FAM240B: variants seen among roughly 807,000 people sequenced by gnomAD.
FAM240B encodes family with sequence similarity 240 member B.
chr9:38,708,055 C>T (rs1180142429), intron 1 of FAM240B, among the ~76,000 whole-genome samples: 3 of 152,040 alleles, frequency 2.0e-5, no homozygotes, highest in East Asian at 1.9e-4. Context: ...TTGAAGGGCA[C>T]GTGCTCTGCT....
At chr9:38,718,161 A>G (rs1311360307) in intron 1 of FAM240B, among the ~76,000 whole-genome samples, 1 of 152,258 alleles carries the variant, frequency 6.6e-6, no homozygotes, top group Non-Finnish European at 1.5e-5. Context: ...TGGATATGCC[A>G]TAATTAACCA....
rs987459098 is a variant in FAM240B at position 38,703,945 on chromosome 9, G to C, written c.55C>G (p.Leu19Val). 1 of 400,460 alleles carries C rather than the reference G, an allele frequency of 2.5e-6. No homozygotes were observed. The allele number at this position is 400,460 out of a possible 1,614,324, so 24.8% of individuals were successfully genotyped here. A position where few individuals can be genotyped will look rare whatever the true frequency, so the allele number is the denominator to read the frequency against. ...ATTTCTTTTTCCCAGAAGCTTTTGA[G>C]CTCATGACAAGTTCCACAGCAGAAG... is the stretch of plus-strand genomic sequence containing the variant. ...EVFCCGTCHE[L>V]KSFWEKEISK... The change falls in exon 2 of 3, where the codon CTC becomes GTC. Residue 19 changes from leucine (L) to valine (V), a missense_variant. Transcript: ENST00000637493.
In FAM240B at chr9:38,698,436, G is replaced by C. The variant is rs1821090226; in HGVS notation, c.144-3567C>G. Among the ~76,000 whole-genome samples the C allele has an allele frequency of 2.0e-5, 3 of 152,166 alleles. No individual in the cohort carries two copies. In the South Asian group the frequency reaches 6.2e-4, roughly 32 times the overall value. On this transcript the variant is annotated intron_variant, in intron 2 of 2. Coordinates refer to ENST00000637493, the MANE Select transcript of FAM240B (RefSeq NM_001394922.1). The stretch of plus-strand genomic sequence containing the variant: ...CATTATTATTCTCTGTGAGAATCAG[G>C]TGACTATATGGGATTTATAATGGGC...
intron 1 of FAM240B, among the ~76,000 whole-genome samples, chr9:38,717,705 A>T (rs1230879525): frequency 6.6e-6 from 1 of 151,700 alleles, no homozygotes; most frequent in African/African-American, 2.4e-5. Flanking sequence ...GATGGTCTCA[A>T]TATCCTGACC....
chr9:38,708,411 T>A (rs1821215928), intron 1 of FAM240B, among the ~76,000 whole-genome samples: 2 of 152,112 alleles, frequency 1.3e-5, no homozygotes, highest in South Asian at 4.1e-4. Flanking sequence ...ATTGGAGTTC[T>A]TCACCAAGCC....
At chr9:38,713,052 A>G (rs541785370) in intron 1 of FAM240B, among the ~76,000 whole-genome samples, 1 of 152,320 alleles carries the variant, frequency 6.6e-6, no homozygotes, top group South Asian at 2.1e-4. Flanking sequence ...TGCGTGCTCA[A>G]TCCTGCCAGG....
intron 1 of FAM240B, among the ~76,000 whole-genome samples, chr9:38,717,569 C>T (rs1402893957): frequency 6.6e-6 from 1 of 152,198 alleles, no homozygotes; most frequent in Admixed American, 6.5e-5. Context: ...CAAGCTCCGC[C>T]TCCCGGGTTC....
intron 1 of FAM240B, among the ~76,000 whole-genome samples, chr9:38,706,085 C>T (rs1285841509): frequency 6.6e-6 from 1 of 152,086 alleles, no homozygotes; most frequent in African/African-American, 2.4e-5. Context: ...TTATTTAAAA[C>T]ATTTTTATTT....
intron 2 of FAM240B, among the ~76,000 whole-genome samples, chr9:38,700,198 A>C (rs180915445): frequency 6.6e-6 from 1 of 152,214 alleles, no homozygotes; most frequent in African/African-American, 2.4e-5. Context: ...TTCTTTGTAG[A>C]CTAACTCTTG....
intron 1 of FAM240B, among the ~76,000 whole-genome samples, chr9:38,716,774 G>T (rs1821308057): frequency 6.6e-6 from 1 of 152,172 alleles, no homozygotes; most frequent in Admixed American, 6.5e-5. Flanking sequence ...ACCGGAAACG[G>T]GCTATGTATA....
chr9:38,706,081 A>T (rs56280323), intron 1 of FAM240B, among the ~76,000 whole-genome samples: 8,384 of 152,298 alleles, frequency 0.055, 320 homozygotes, highest in Non-Finnish European at 0.086. Context: ...TTTCTTATTT[A>T]AAACATTTTT....
At chr9:38,710,343 G>T (rs988921393) in intron 1 of FAM240B, among the ~76,000 whole-genome samples, 2 of 152,154 alleles carry the variant, frequency 1.3e-5, no homozygotes, top group Non-Finnish European at 2.9e-5. Flanking sequence ...TTAGAACCCA[G>T]ATAACTGTGT....
intron 1 of FAM240B, among the ~76,000 whole-genome samples, chr9:38,719,657 A>G (rs555572654): frequency 1.1e-3 from 165 of 152,330 alleles, no homozygotes; most frequent in Middle Eastern, 3.4e-3. Flanking sequence ...AGCATCTACA[A>G]TGAACATTTC....
chr9:38,718,687 T>G (rs1683595384), intron 1 of FAM240B, among the ~76,000 whole-genome samples: 1 of 152,016 alleles, frequency 6.6e-6, no homozygotes. Flanking sequence ...TAAATAAACA[T>G]AAACATTAAT....
At chr9:38,705,847 T>C (rs1821185390) in intron 1 of FAM240B, among the ~76,000 whole-genome samples, 1 of 152,182 alleles carries the variant, frequency 6.6e-6, no homozygotes, top group Non-Finnish European at 1.5e-5. Context: ...TCCGGTGTTC[T>C]TCCTCCTGGA....
chr9:38,700,232 G>A (rs980907766), intron 2 of FAM240B, among the ~76,000 whole-genome samples: 16 of 152,248 alleles, frequency 1.1e-4, no homozygotes, highest in African/African-American at 1.9e-4. Flanking sequence ...TTGAAATAGC[G>A]ATTTCATCTG....
chr9:38,717,959 C>T (rs1217943565), intron 1 of FAM240B, among the ~76,000 whole-genome samples: 1 of 152,174 alleles, frequency 6.6e-6, no homozygotes, highest in Non-Finnish European at 1.5e-5. Context: ...CAAAGACACC[C>T]ACTGTTAATG....
chr9:38,719,733 C>CT (rs1564002993), intron 1 of FAM240B, among the ~76,000 whole-genome samples: 2 of 152,086 alleles, frequency 1.3e-5, no homozygotes, highest in African/African-American at 4.8e-5. Flanking sequence ...CTCCAAAAAG[C>CT]CTTGCTCTGT....
At chr9:38,706,453 A>T (rs1163251337) in intron 1 of FAM240B, among the ~76,000 whole-genome samples, 1 of 152,104 alleles carries the variant, frequency 6.6e-6, no homozygotes, top group East Asian at 1.9e-4. Flanking sequence ...GGTGTTTGTG[A>T]CTTAGAGCGG....
Sources: allele counts gnomAD v4.1 joint callset (sites outside exome capture counted in the v4.1 genomes callset), GRCh38; gene constraint gnomAD v4.1.1; transcripts MANE v1.5; gene names NCBI Gene and HGNC (gene_info 2026-07-23, HGNC 2026-07-21).